Variants in COL4A1 observed in about 807,000 individuals in gnomAD.
The protein encoded by COL4A1 is collagen type IV alpha 1 chain.
Under a neutral mutation model 216.6 loss-of-function variants are expected in COL4A1, and 40 were observed. That is an observed-to-expected ratio of 0.18 (90% confidence interval 0.14 to 0.24). The LOEUF is 0.24. COL4A1 is among the 10% of genes least tolerant of loss of function. The pLI is 1.00. For missense variants in COL4A1, 1,628 were observed against 2,196.8 expected (o/e 0.74, Z 5.18); for synonymous variants, 839 against 810.7 (o/e 1.03, Z -0.59).
At chr13:110,219,886 ATGTG>A (rs1254495252) in intron 2 of COL4A1, among the ~76,000 whole-genome samples, 1 of 82,558 alleles carries the variant, frequency 1.2e-5, no homozygotes, top group Non-Finnish European at 2.7e-5. Flanking sequence ...ATGTATATAT[ATGTG>A]TGTATATATA....
chr13:110,178,914 G>A lies in COL4A1; in HGVS notation c.2458+9C>T. The A allele has an allele frequency of 6.3e-7, 1 of 1,599,908 alleles. No homozygotes were observed. The highest frequency in any genetic ancestry group is 8.5e-7 in the Non-Finnish European group (1 of 1,169,716). Reference sequence around the variant, plus strand: ...TGGGAACAGATAATTCTAGAAGCATGTCACTCACCTGACAACCCCGGTGGT... The same window carrying A: ...TGGGAACAGATAATTCTAGAAGCATATCACTCACCTGACAACCCCGGTGGT... On this transcript the variant is annotated intron_variant, in intron 31 of 51. Coordinates refer to ENST00000375820, the MANE Select transcript of COL4A1 (RefSeq NM_001845.6).
At chr13:110,231,382 G>C (rs1881054833) in intron 2 of COL4A1, among the ~76,000 whole-genome samples, 2 of 152,194 alleles carry the variant, frequency 1.3e-5, no homozygotes, top group Non-Finnish European at 2.9e-5. Flanking sequence ...CGTCAAACAG[G>C]GAAATGGAAT....
chr13:110,217,503 CCA>C (rs1451991536), intron 2 of COL4A1, among the ~76,000 whole-genome samples: 1 of 152,142 alleles, frequency 6.6e-6, no homozygotes, highest in Non-Finnish European at 1.5e-5. Flanking sequence ...TCCATGGCGG[CCA>C]CAGACTTCAT....
chr13:110,256,267 C>CG lies in COL4A1; in HGVS notation c.85-13534dup, dbSNP rs966014286. Among the ~76,000 whole-genome samples the CG allele has an allele frequency of 1.5e-3, 227 of 151,992 alleles. 2 individuals are homozygous for CG. Among genetic ancestry groups the CG allele is most frequent in the African/African-American group, 3.9e-3 (162 of 41,426 alleles). The stretch of plus-strand genomic sequence containing the variant: ...TTCTACCTTCGGGCATATTCTAGTC[C>CG]GGGGGGAAAAACACATCAAAAAAAC... On this transcript the variant is annotated intron_variant, in intron 1 of 51. Coordinates refer to ENST00000375820, the MANE Select transcript of COL4A1 (RefSeq NM_001845.6).
rs774084858 is a variant in COL4A1 at position 110,207,505 on chromosome 13, T to C, written c.694-16A>G. 2 of 1,608,194 alleles carry C rather than the reference T, an allele frequency of 1.2e-6. No homozygotes were observed. Among genetic ancestry groups the C allele is most frequent in the Admixed American group, 3.3e-5 (2 of 59,972 alleles). On this transcript the variant is annotated splice_polypyrimidine_tract_variant and intron_variant, in intron 12 of 51. Transcript: ENST00000375820. The surrounding 1 kb of genome is among the most constrained non-coding windows in gnomAD (Gnocchi z 4.4). ...CTTGGTCACCCTGTCGACATAAAAA[T>C]GTAAAATTAATTAGGCATGAAAACA...
chr13:110,180,418 G>A (rs751853985), intron 29 of COL4A1, among the ~76,000 whole-genome samples: 4 of 152,172 alleles, frequency 2.6e-5, no homozygotes, highest in African/African-American at 7.2e-5. Flanking sequence ...GTATTTCTCC[G>A]GAAGAAACCC....
chr13:110,192,455 AG>A (rs1348097667), intron 23 of COL4A1, among the ~76,000 whole-genome samples, 171 bp from the exon 24 acceptor site: 2 of 152,198 alleles, frequency 1.3e-5, no homozygotes, highest in African/African-American at 4.8e-5. Context: ...GAAAGGGAAT[AG>A]GTGACCCGAC....
chr13:110,262,635 G>A (rs915778877), intron 1 of COL4A1, among the ~76,000 whole-genome samples: 5 of 152,112 alleles, frequency 3.3e-5, no homozygotes, highest in African/African-American at 1.2e-4. Flanking sequence ...AGGAAGCATG[G>A]CCCAGGCTTT....
intron 1 of COL4A1, among the ~76,000 whole-genome samples, chr13:110,286,172 G>A (rs1159059275): frequency 6.6e-6 from 1 of 152,182 alleles, no homozygotes; most frequent in East Asian, 1.9e-4. Context: ...AACGACCAAG[G>A]ACAGCATTGG....
Position 110,174,489 on chromosome 13 carries a change from G to A in COL4A1, c.3363C>T (p.Gly1121=), listed in dbSNP as rs771442747. The change falls in exon 39 of 52, where the codon GGC becomes GGT. Residue 1121 remains glycine, a synonymous_variant. Transcript: ENST00000375820. ...CAGGGATGCCATCCAATCCTGGGAG[G>A]CCTTTGTCACCTTTTTCTCCAGGTA... ...PGLPGEKGDK[G]LPGLDGIPGV... The A allele has an allele frequency of 1.2e-6, 2 of 1,614,006 alleles. No individual in the cohort carries two copies. The highest frequency in any genetic ancestry group is 4.5e-5 in the East Asian group (2 of 44,882).
chr13:110,249,617 G>C (rs1159607962), intron 1 of COL4A1, among the ~76,000 whole-genome samples: 2 of 152,092 alleles, frequency 1.3e-5, no homozygotes, highest in African/African-American at 4.8e-5. Flanking sequence ...GGACTCCAGG[G>C]ACTTCGTGCC....
intron 18 of COL4A1, among the ~76,000 whole-genome samples, chr13:110,202,033 T>C (rs1879275443): frequency 6.6e-6 from 1 of 152,160 alleles, no homozygotes; most frequent in Admixed American, 6.5e-5. Context: ...ATAAACATGC[T>C]GCAACCATCC....
At chr13:110,170,835 G>C in intron 41 of COL4A1, 103 bp from the exon 42 acceptor site, 1 of 1,264,538 alleles carries the variant, frequency 7.9e-7, no homozygotes, top group East Asian at 2.4e-5. Flanking sequence ...CATCCTGTAG[G>C]TACCGCTCAG....
At position 110,203,587 on chromosome 13, in the gene COL4A1, A is replaced by T; in HGVS notation, c.978T>A (p.Gly326=). 6.2e-7 allele frequency: 1 copy of T among 1,614,082 alleles called. No individual in the cohort carries two copies. The highest frequency in any genetic ancestry group is 8.5e-7 in the Non-Finnish European group (1 of 1,180,044). Residue 326 remains glycine (G), a synonymous_variant, in exon 18 of 52, where the codon GGT becomes GGA. Transcript: ENST00000375820. ...TCACAATTCCAGGTGGGCCAGGAGG[A>T]CCTGCTTCACCCTTTTCTCCCTACA... ...QGPQGEKGEA[G]PPGPPGIVIG... is the part of the protein sequence containing the mutation.
chr13:110,235,156 GTTA>G (rs979293543), intron 2 of COL4A1, among the ~76,000 whole-genome samples: 9 of 152,076 alleles, frequency 5.9e-5, no homozygotes, highest in Admixed American at 3.3e-4. Flanking sequence ...ATAAATTACT[GTTA>G]TTATTAATAA....
chr13:110,225,275 G>A (rs933155265), intron 2 of COL4A1, among the ~76,000 whole-genome samples: 1 of 152,162 alleles, frequency 6.6e-6, no homozygotes, highest in African/African-American at 2.4e-5. Flanking sequence ...GCACAGGGTA[G>A]GTACTCAATT....
intron 26 of COL4A1, among the ~76,000 whole-genome samples, chr13:110,184,197 G>C (rs1878303139): frequency 6.6e-6 from 1 of 152,168 alleles, no homozygotes; most frequent in African/African-American, 2.4e-5. Flanking sequence ...ACAGCTGTGG[G>C]GAGAGAGGAT....
At chr13:110,160,587 C>T (rs888121213) in intron 49 of COL4A1, among the ~76,000 whole-genome samples, 2 of 152,190 alleles carry the variant, frequency 1.3e-5, no homozygotes, top group African/African-American at 4.8e-5. Context: ...AATCGAGTGG[C>T]ATCACCTTGC....
At chr13:110,180,567 C>A (rs1466143562) in intron 29 of COL4A1, among the ~76,000 whole-genome samples, 1 of 152,256 alleles carries the variant, frequency 6.6e-6, no homozygotes, top group African/African-American at 2.4e-5. Flanking sequence ...GTACCAATGC[C>A]TTCTGGCAAT....
Sources: allele counts gnomAD v4.1 joint callset (sites outside exome capture counted in the v4.1 genomes callset), GRCh38; gene constraint gnomAD v4.1.1; non-coding constraint Gnocchi (gnomAD v3.1); transcripts MANE v1.5; gene names NCBI Gene and HGNC (gene_info 2026-07-23, HGNC 2026-07-21).